Variants in AKT3 observed in about 807,000 individuals in gnomAD.
The protein encoded by AKT3 is AKT serine/threonine kinase 3, also known as RAC-gamma serine/threonine-protein kinase.
A neutral mutation model predicts 65.3 loss-of-function variants in AKT3; 15 were observed. That is an observed-to-expected ratio of 0.23 (90% confidence interval 0.15 to 0.35). AKT3 has a LOEUF of 0.35. AKT3 is among the 10% of genes least tolerant of loss of function. The pLI is 1.00. For synonymous variants in AKT3, 206 were observed against 183.8 expected (o/e 1.12, Z -0.98); for missense variants, 243 against 576.5 (o/e 0.42, Z 5.92).
chr1:243,538,372 C>T (rs1430634606), intron 12 of AKT3, among the ~76,000 whole-genome samples: 1 of 139,178 alleles, frequency 7.2e-6, no homozygotes, highest in Non-Finnish European at 1.6e-5. Context: ...AGAAGGCAGA[C>T]AAAGAGAAAA....
At chr1:243,596,157 A>G (rs1434545886) in intron 8 of AKT3, among the ~76,000 whole-genome samples, 18 of 152,204 alleles carry the variant, frequency 1.2e-4, no homozygotes. Flanking sequence ...CACATAACAA[A>G]TAGGAGAAAG....
chr1:243,599,135 G>C (rs1437144589), intron 8 of AKT3, among the ~76,000 whole-genome samples: 1 of 152,002 alleles, frequency 6.6e-6, no homozygotes, highest in Admixed American at 6.6e-5. Context: ...TAAAGAAAGG[G>C]AAACATCTTA....
At chr1:243,697,390 T>G (rs1003154143) in intron 2 of AKT3, among the ~76,000 whole-genome samples, 79 of 152,050 alleles carry the variant, frequency 5.2e-4, no homozygotes, top group African/African-American at 1.8e-3. Flanking sequence ...CTCAAAGAGA[T>G]ATGAAGCTGA....
chr1:243,500,540 C>CAATT lies in AKT3; in HGVS notation c.*4705_*4708dup, dbSNP rs540512970. On this transcript the variant is annotated 3_prime_UTR_variant, in exon 14 of 14. Transcript: ENST00000673466. ...TCTAAAATAGTATTTCTACTATACA[C>CAATT]AATTAAGCCCTCAAATGCTTTAAAG... 8.8e-6 allele frequency: 2 copies of CAATT among 227,326 alleles called. No homozygotes were observed. The highest frequency in any genetic ancestry group is 2.2e-5 in the African/African-American group (1 of 45,026). The allele number at this position is 227,326 out of a possible 1,614,324, so 14.1% of individuals were successfully genotyped here.
In AKT3 at chr1:243,553,974, CACTT is replaced by C. The variant is rs569956294; in HGVS notation, c.949-1035_949-1032del. On this transcript the variant is annotated intron_variant, in intron 10 of 13. Coordinates refer to ENST00000673466, the MANE Select transcript of AKT3 (RefSeq NM_005465.7). ...ATATATGAATTTATCAATTTAAAAACACTTACAACCGATTACAAAGGAGAACATT... is the reference window on the plus strand; with the variant it reads ...ATATATGAATTTATCAATTTAAAAACACAACCGATTACAAAGGAGAACATT... Among the ~76,000 whole-genome samples the C allele has an allele frequency of 2.1e-3, 316 of 152,274 alleles. 1 individual carries two copies. Among genetic ancestry groups the C allele is most frequent in the Admixed American group, 5.4e-3 (83 of 15,296 alleles).
At chr1:243,705,736 T>A (rs1572202535) in intron 2 of AKT3, among the ~76,000 whole-genome samples, 1 of 152,178 alleles carries the variant, frequency 6.6e-6, no homozygotes, top group East Asian at 1.9e-4. Flanking sequence ...TACATAGCAG[T>A]AGGTATGTTG....
At chr1:243,543,490 G>A (rs940344476) in intron 12 of AKT3, among the ~76,000 whole-genome samples, 1 of 151,962 alleles carries the variant, frequency 6.6e-6, no homozygotes, top group African/African-American at 2.4e-5. Flanking sequence ...CCTAGAAGAG[G>A]GTGTCTAGAA....
intron 2 of AKT3, among the ~76,000 whole-genome samples, chr1:243,754,889 G>A (rs1291437787): frequency 6.6e-6 from 1 of 152,182 alleles, no homozygotes; most frequent in Non-Finnish European, 1.5e-5. Context: ...TAGCGCACAG[G>A]ACAGCCTGCT....
intron 2 of AKT3, among the ~76,000 whole-genome samples, chr1:243,837,260 C>T (rs1294080993): frequency 1.3e-5 from 2 of 152,028 alleles, no homozygotes; most frequent in African/African-American, 4.8e-5. Flanking sequence ...ATACAATTTA[C>T]CAAAAATGAC....
At chr1:243,811,885 G>T (rs1295015097) in intron 2 of AKT3, among the ~76,000 whole-genome samples, 1 of 152,136 alleles carries the variant, frequency 6.6e-6, no homozygotes, top group Admixed American at 6.5e-5. Context: ...ACAACCATCT[G>T]ATCTTTGACA....
chr1:243,760,428 A>G (rs1393764298), intron 2 of AKT3, among the ~76,000 whole-genome samples: 1 of 151,452 alleles, frequency 6.6e-6, no homozygotes, highest in African/African-American at 2.4e-5. Context: ...GCCCAACCCA[A>G]GGCTTCATAT....
rs147452925 is a variant in AKT3 at position 243,645,856 on chromosome 1, A to G, written c.429+37T>C. On this transcript the variant is annotated intron_variant, in intron 5 of 13. Transcript: ENST00000673466. ...CTTTTAATATGTTTCTTCCAGACAA[A>G]TGAATGCTGTGCTGGGAATAAGTTA... 679 of 1,539,706 alleles carry G rather than the reference A, an allele frequency of 4.4e-4. 3 individuals carry two copies. The African/African-American group carries it at 8.8e-3, about 20-fold the overall frequency.
intron 2 of AKT3, among the ~76,000 whole-genome samples, chr1:243,702,557 A>G (rs1489383833): frequency 1.3e-5 from 2 of 151,870 alleles, no homozygotes; most frequent in African/African-American, 4.9e-5. Flanking sequence ...AGCAAGTGAT[A>G]CTAATACTAA....
At chr1:243,739,310 T>C (rs1182983634) in intron 2 of AKT3, among the ~76,000 whole-genome samples, 1 of 152,210 alleles carries the variant, frequency 6.6e-6, no homozygotes, top group Non-Finnish European at 1.5e-5. Context: ...TATTTTACAT[T>C]CTTGTTTTTT....
At chr1:243,760,590 CA>C (rs1689433110) in intron 2 of AKT3, among the ~76,000 whole-genome samples, 1 of 152,048 alleles carries the variant, frequency 6.6e-6, no homozygotes, top group East Asian at 1.9e-4. Flanking sequence ...CATAGAGCAG[CA>C]AAAAAATTTG....
At chr1:243,821,560 A>G (rs1693856942) in intron 2 of AKT3, among the ~76,000 whole-genome samples, 1 of 152,234 alleles carries the variant, frequency 6.6e-6, no homozygotes, top group South Asian at 2.1e-4. Context: ...AAAGACACAC[A>G]TAAGCTCAAA....
chr1:243,798,470 G>A (rs1208255143), intron 2 of AKT3, among the ~76,000 whole-genome samples: 2 of 140,662 alleles, frequency 1.4e-5, no homozygotes, highest in Non-Finnish European at 3.0e-5. Context: ...AAACTCCTGG[G>A]CTCAAGCAAT....
chr1:243,739,612 G>A (rs1353490137), intron 2 of AKT3: 1 of 152,158 alleles, frequency 6.6e-6, no homozygotes, highest in Non-Finnish European at 1.5e-5. Flanking sequence ...TTCTAACCTA[G>A]ACTGAACATA....
At chr1:243,542,802 A>G (rs1445874694) in intron 12 of AKT3, among the ~76,000 whole-genome samples, 1 of 152,174 alleles carries the variant, frequency 6.6e-6, no homozygotes, top group African/African-American at 2.4e-5. Context: ...AATAGACTCA[A>G]TCACATTTTC....
Sources: allele counts gnomAD v4.1 joint callset (sites outside exome capture counted in the v4.1 genomes callset), GRCh38; gene constraint gnomAD v4.1.1; transcripts MANE v1.5; gene names NCBI Gene and HGNC (gene_info 2026-07-23, HGNC 2026-07-21).